The following PIK3CB variants were observed in gnomAD, a reference collection of about 807,000 sequenced individuals.
PIK3CB encodes the protein phosphatidylinositol 4,5-bisphosphate 3-kinase catalytic subunit beta isoform.
A neutral mutation model predicts 136.8 loss-of-function variants in PIK3CB; 39 were observed. The ratio of observed to expected loss-of-function variants is 0.29; its 90% CI spans 0.22 to 0.37. PIK3CB has a LOEUF of 0.37. Among genes scored for constraint, PIK3CB ranks in the 10% least tolerant of loss-of-function variants. PIK3CB has a pLI of 1.00. For missense variants in PIK3CB, 868 were observed against 1,275.4 expected (o/e 0.68, Z 4.87); for synonymous variants, 428 against 436.6 (o/e 0.98, Z 0.25).
intron 8 of PIK3CB, among the ~76,000 whole-genome samples, chr3:138,732,912 TA>T (rs904493746): frequency 6.6e-6 from 1 of 151,904 alleles, no homozygotes; most frequent in African/African-American, 2.4e-5. Flanking sequence ...TAAGAGTACC[TA>T]AAATCTACTC....
chr3:138,822,290 T>C (rs1027776418), intron 1 of PIK3CB, among the ~76,000 whole-genome samples: 4 of 152,126 alleles, frequency 2.6e-5, no homozygotes, highest in East Asian at 1.9e-4. Flanking sequence ...TCCCAGCACT[T>C]TGGGAGGCCG....
At chr3:138,720,917 A>G (rs1415900671) in intron 8 of PIK3CB, among the ~76,000 whole-genome samples, 1 of 152,032 alleles carries the variant, frequency 6.6e-6, no homozygotes, top group Non-Finnish European at 1.5e-5. Flanking sequence ...TAAAGAAAAA[A>G]CTATTTTGTT....
chr3:138,709,368 TGATATGTA>T (rs1030673499), intron 10 of PIK3CB, among the ~76,000 whole-genome samples: 7 of 151,746 alleles, frequency 4.6e-5, no homozygotes, highest in Non-Finnish European at 8.8e-5. Flanking sequence ...GAAGATATGG[TGATATGTA>T]GATATGTAGA....
Position 138,704,491 on chromosome 3 carries a change from A to G in PIK3CB, c.1533T>C (p.Ile511=), listed in dbSNP as rs997446291. The part of the protein sequence containing the change: ...QPYYYPPFDK[I]IEKAAEIASS... ...TTGCAATCTCAGCTGCCTTTTCAAT[A>G]ATCTGTTTAAAAAAATTAAAGAAAA... Residue 511 remains isoleucine (I), a splice_region_variant and synonymous_variant, in exon 12 of 24, where the codon ATT becomes ATC. Coordinates refer to ENST00000674063, the MANE Select transcript of PIK3CB (RefSeq NM_006219.3). The G allele has an allele frequency of 1.2e-6, 2 of 1,600,060 alleles. No homozygotes were observed. Among genetic ancestry groups the G allele is most frequent in the African/African-American group, 2.7e-5 (2 of 74,656 alleles).
intron 19 of PIK3CB, among the ~76,000 whole-genome samples, chr3:138,680,102 GT>G (rs1193535943): frequency 6.6e-6 from 1 of 151,952 alleles, no homozygotes; most frequent in Non-Finnish European, 1.5e-5. Context: ...ACTCACGCCT[GT>G]AATTCCAGCA....
intron 8 of PIK3CB, among the ~76,000 whole-genome samples, chr3:138,729,180 CTG>C (rs893777081): frequency 1.3e-5 from 2 of 151,634 alleles, no homozygotes; most frequent in Admixed American, 1.3e-4. Context: ...ACACCGGACA[CTG>C]AGGCATGAGA....
chr3:138,700,054 AT>A (rs1360071383), intron 12 of PIK3CB, among the ~76,000 whole-genome samples: 6 of 152,154 alleles, frequency 3.9e-5, no homozygotes, highest in African/African-American at 1.2e-4. Flanking sequence ...AAAAATAGAA[AT>A]TAAAAAAAAA....
In PIK3CB at chr3:138,716,935, T is replaced by G. The variant is rs535545196; in HGVS notation, c.1051-2216A>C. 2.7e-5 allele frequency among the ~76,000 whole-genome samples: 4 copies of G among 146,718 alleles called. No individual in the cohort carries two copies. The East Asian group carries it at 8.0e-4, about 29-fold the overall frequency. ...AAAAAAAAAAAAAGCATGTTCACCT[T>G]GTAAACTGTGTGAAGAATACAAATA... is the stretch of plus-strand genomic sequence containing the variant. On this transcript the variant is annotated intron_variant, in intron 8 of 23. Transcript: ENST00000674063.
intron 1 of PIK3CB, among the ~76,000 whole-genome samples, chr3:138,829,350 G>GA (rs1315276487): frequency 6.6e-6 from 1 of 152,092 alleles, no homozygotes; most frequent in Admixed American, 6.6e-5. Flanking sequence ...TGGAACAGGA[G>GA]AATAAGTAAA....
intron 6 of PIK3CB, among the ~76,000 whole-genome samples, chr3:138,736,480 A>G (rs1411116830): frequency 6.6e-6 from 1 of 152,226 alleles, no homozygotes; most frequent in East Asian, 1.9e-4. Flanking sequence ...CTTTCCTAAA[A>G]TTCTGTAACT....
intron 1 of PIK3CB, among the ~76,000 whole-genome samples, chr3:138,804,237 G>A (rs1173932847): frequency 6.6e-6 from 1 of 152,154 alleles, no homozygotes; most frequent in Non-Finnish European, 1.5e-5. Flanking sequence ...AAACAGGCCA[G>A]GCATGGTAGT....
intron 1 of PIK3CB, among the ~76,000 whole-genome samples, chr3:138,821,283 A>G (rs1198188334): frequency 3.9e-5 from 2 of 51,792 alleles, no homozygotes; most frequent in Non-Finnish European, 1.1e-4. Context: ...ACTCCGTCTC[A>G]AAAAAAAAAA....
At chr3:138,655,581 A>C (rs2108383203) in intron 23 of PIK3CB, 55 bp from the exon 24 acceptor site, 2 of 1,416,460 alleles carry the variant, frequency 1.4e-6, no homozygotes, top group Non-Finnish European at 2.0e-6. Flanking sequence ...AGATGTGCAA[A>C]TATCAAAGTC....
At chr3:138,782,575 GATACACATTCC>G (rs1433640713) in intron 2 of PIK3CB, among the ~76,000 whole-genome samples, 2 of 152,156 alleles carry the variant, frequency 1.3e-5, no homozygotes, top group Non-Finnish European at 2.9e-5. Flanking sequence ...GCACTTAGCG[GATACACATTCC>G]AACTTCCTGT....
chr3:138,675,504 C>T (rs1344937985), intron 19 of PIK3CB, among the ~76,000 whole-genome samples: 1 of 152,006 alleles, frequency 6.6e-6, no homozygotes, highest in Non-Finnish European at 1.5e-5. Context: ...TAGAAGTAGG[C>T]ATATTATAAT....
intron 1 of PIK3CB, among the ~76,000 whole-genome samples, chr3:138,812,788 C>G (rs1933130293): frequency 6.6e-6 from 1 of 152,168 alleles, no homozygotes; most frequent in African/African-American, 2.4e-5. Flanking sequence ...CTCAGCCTCC[C>G]AAAGTGCTGG....
At position 138,665,191 on chromosome 3, in the gene PIK3CB, A is replaced by G. The variant is rs780747959; in HGVS notation, c.2517T>C (p.Tyr839=). ...AGCGATCTCCTGTTGCTAAACAGCC[A>G]TAAGGCAACATCCTGGAAGGAAAAA... ...EAGLDLRMLP[Y]GCLATGDRSG... is the part of the protein sequence containing the mutation. The change falls in exon 20 of 24, where the codon TAT becomes TAC. Residue 839 remains tyrosine (Y), a synonymous_variant. Transcript: ENST00000674063. The G allele has an allele frequency of 5.0e-6, 8 of 1,600,514 alleles. No individual in the cohort carries two copies. The highest frequency in any genetic ancestry group is 1.7e-6 in the Non-Finnish European group (2 of 1,172,312).
intron 8 of PIK3CB, among the ~76,000 whole-genome samples, chr3:138,726,425 G>C (rs1245438290): frequency 6.6e-6 from 1 of 152,124 alleles, no homozygotes; most frequent in African/African-American, 2.4e-5. Context: ...CCATTCTCTT[G>C]TATCTACAAC....
chr3:138,776,551 T>A (rs2045860845), intron 2 of PIK3CB, among the ~76,000 whole-genome samples: 1 of 151,968 alleles, frequency 6.6e-6, no homozygotes, highest in Middle Eastern at 3.4e-3. Flanking sequence ...ATACAAAAAT[T>A]AGCTGGGCGT....
Sources: gnomAD v4.1 joint callset for allele counts (sites outside exome capture counted in the v4.1 genomes callset) on GRCh38, gnomAD v4.1.1 for gene constraint, MANE v1.5 for transcripts, NCBI Gene and HGNC (gene_info 2026-07-23, HGNC 2026-07-21) for gene names.